The following KCNIP3 variants were observed in gnomAD, a reference collection of about 807,000 sequenced individuals.
The protein encoded by KCNIP3 is calsenilin.
KCNIP3 carries 28 observed loss-of-function variants against 35.0 expected under a neutral mutation model. The ratio of observed to expected loss-of-function variants is 0.80; its 90% CI spans 0.59 to 1.10. The LOEUF is 1.10. KCNIP3 is among the 50% of genes least tolerant of loss of function. The pLI is 0.00. For synonymous variants in KCNIP3, 134 were observed against 133.8 expected, an observed-to-expected ratio of 1.00 and a Z score of -0.01; for missense variants, 295 against 338.4, an observed-to-expected ratio of 0.87 and a Z score of 1.01.
chr2:95,339,662 A>G (rs527376214), intron 2 of KCNIP3, among the ~76,000 whole-genome samples: 4 of 152,120 alleles, frequency 2.6e-5, no homozygotes, highest in Non-Finnish European at 2.9e-5. Flanking sequence ...AAAACCCAGT[A>G]GCATCAGTCT....
rs762021580 is a variant in KCNIP3, at chr2:95,382,337, C to T, written c.556-40C>T. The T allele has an allele frequency of 1.4e-6, 2 of 1,435,074 alleles. No homozygotes were observed. The highest frequency in any genetic ancestry group is 2.4e-5 in the East Asian group (1 of 41,708). 88.9% of individuals were successfully genotyped at this position (1,435,074 alleles called of 1,614,324 possible). On this transcript the variant is annotated intron_variant, in intron 6 of 8. Coordinates refer to ENST00000295225, the MANE Select transcript of KCNIP3 (RefSeq NM_013434.5). The surrounding 1 kb of genome is among the most constrained non-coding windows in gnomAD (Gnocchi z 4.5). ...GCTCCCTTTGGGCCCTCACAGCCAC[C>T]CCGGCCTTGCAGCAGGCTCATGCCA...
Position 95,376,102 on chromosome 2 carries a change from C to G in KCNIP3, c.447+894C>G, listed in dbSNP as rs765086118. ...ACCACAGGACCCCTCGACTCTGAGC[C>G]ACACTCTGAGGGCTCTGCACATAGA... On this transcript the variant is annotated intron_variant, in intron 5 of 8. Coordinates refer to ENST00000295225, the MANE Select transcript of KCNIP3 (RefSeq NM_013434.5). This position sits in a 1 kb window ranked among gnomAD's most constrained non-coding sequence, Gnocchi z 4.2. Among the ~76,000 whole-genome samples, 14 of 152,242 alleles carry G rather than the reference C, an allele frequency of 9.2e-5. No individual in the cohort carries two copies. Among genetic ancestry groups the G allele is most frequent in the Non-Finnish European group, 1.8e-4 (12 of 68,044 alleles).
chr2:95,311,149 GGCAGCCTC>G, intron 2 of KCNIP3: 1 of 157,224 alleles, frequency 6.4e-6, no homozygotes, highest in Admixed American at 6.1e-5. Context: ...AACAGACAAT[GGCAGCCTC>G]ATGCGGCCCC....
chr2:95,374,270 ACT>A, intron 2 of KCNIP3, 24 bp from the exon 3 acceptor site: 1 of 1,610,808 alleles, frequency 6.2e-7, no homozygotes, highest in Non-Finnish European at 8.5e-7. Context: ...CAGGCCTTAC[ACT>A]CTCTGGTCTG....
intron 2 of KCNIP3, among the ~76,000 whole-genome samples, chr2:95,371,781 GT>G (rs923527543): frequency 6.8e-6 from 1 of 146,568 alleles, no homozygotes; most frequent in Admixed American, 6.8e-5. Context: ...CTTTCTTAAT[GT>G]TTTTCCATTC....
chr2:95,326,307 C>T (rs1678789589), intron 2 of KCNIP3, among the ~76,000 whole-genome samples: 1 of 152,114 alleles, frequency 6.6e-6, no homozygotes, highest in South Asian at 2.1e-4. Context: ...CACACATACA[C>T]ATACACACAC....
intron 2 of KCNIP3, among the ~76,000 whole-genome samples, chr2:95,335,584 T>C (rs1270867918): frequency 6.6e-6 from 1 of 152,246 alleles, no homozygotes; most frequent in African/African-American, 2.4e-5. Context: ...CCATAGCAGA[T>C]GTACCTACCT....
chr2:95,371,135 C>T (rs780071950), intron 2 of KCNIP3, among the ~76,000 whole-genome samples: 23 of 152,160 alleles, frequency 1.5e-4, no homozygotes, highest in Non-Finnish European at 8.8e-5. Context: ...TTAATTTGCT[C>T]TGCATTTTTT....
intron 7 of KCNIP3, 31 bp from the exon 8 acceptor site, chr2:95,383,201 A>G (rs201837453): frequency 2.7e-5 from 40 of 1,493,200 alleles, no homozygotes; most frequent in Non-Finnish European, 3.5e-5. Flanking sequence ...GCTGGGGCAC[A>G]GACTCACTTT....
At chr2:95,369,996 T>G (rs1486659124) in intron 2 of KCNIP3, among the ~76,000 whole-genome samples, 1 of 152,224 alleles carries the variant, frequency 6.6e-6, no homozygotes, top group Non-Finnish European at 1.5e-5. Flanking sequence ...TATTATAGTT[T>G]TTAATTTTTC....
chr2:95,324,026 G>A (rs1481450751), intron 2 of KCNIP3, among the ~76,000 whole-genome samples: 2 of 152,178 alleles, frequency 1.3e-5, no homozygotes, highest in African/African-American at 4.8e-5. Context: ...GGGAGCCCGC[G>A]GCCACTGCCT....
chr2:95,317,740 G>C (rs1236620606), intron 2 of KCNIP3, among the ~76,000 whole-genome samples: 4 of 152,178 alleles, frequency 2.6e-5, no homozygotes, highest in Non-Finnish European at 5.9e-5. Context: ...CTGAGGAGAG[G>C]CTGGCAGAGG....
intron 2 of KCNIP3, among the ~76,000 whole-genome samples, chr2:95,327,564 C>A (rs1678824570): frequency 6.6e-6 from 1 of 152,142 alleles, no homozygotes. Context: ...CCTCCTGGGG[C>A]CAGAGCAAGG....
chr2:95,297,535 G>C, intron 1 of KCNIP3, 82 bp downstream of exon 1: 1 of 1,148,630 alleles, frequency 8.7e-7, no homozygotes, highest in Middle Eastern at 2.3e-4. Flanking sequence ...CTCTGGACCA[G>C]GAAGCCTTTT....
At chr2:95,324,038 G>C (rs2104231219) in intron 2 of KCNIP3, among the ~76,000 whole-genome samples, 1 of 152,298 alleles carries the variant, frequency 6.6e-6, no homozygotes, top group African/African-American at 2.4e-5. Flanking sequence ...CCACTGCCTT[G>C]GAATCCCCAC....
intron 2 of KCNIP3, among the ~76,000 whole-genome samples, chr2:95,349,731 C>A (rs1315897023): frequency 6.6e-6 from 1 of 152,242 alleles, no homozygotes; most frequent in African/African-American, 2.4e-5. Context: ...GAAAAGCAGT[C>A]CTCATCCTGT....
chr2:95,326,923 C>T (rs574864071), intron 2 of KCNIP3, among the ~76,000 whole-genome samples: 2 of 152,324 alleles, frequency 1.3e-5, no homozygotes, highest in African/African-American at 2.4e-5. Context: ...CCCCAGCACC[C>T]GCACCTCATG....
At chr2:95,320,851 A>G (rs1678575260) in intron 2 of KCNIP3, among the ~76,000 whole-genome samples, 1 of 149,364 alleles carries the variant, frequency 6.7e-6, no homozygotes, top group African/African-American at 2.5e-5. Flanking sequence ...AATGCTCAGC[A>G]CTCCACCCAG....
intron 2 of KCNIP3, among the ~76,000 whole-genome samples, chr2:95,327,191 C>T (rs977323832): frequency 1.3e-5 from 2 of 152,182 alleles, no homozygotes; most frequent in African/African-American, 4.8e-5. Flanking sequence ...CCCAAGGTCT[C>T]TGCGAGTCCT....
Sources: allele counts gnomAD v4.1 joint callset (sites outside exome capture counted in the v4.1 genomes callset), GRCh38; gene constraint gnomAD v4.1.1; non-coding constraint Gnocchi (gnomAD v3.1); transcripts MANE v1.5; gene names NCBI Gene and HGNC (gene_info 2026-07-23, HGNC 2026-07-21).